Variants in DCLK3 observed in about 807,000 individuals in gnomAD.
The protein encoded by DCLK3 is doublecortin like kinase 3.
Under a neutral mutation model 46.4 loss-of-function variants are expected in DCLK3, and 30 were observed. The ratio of observed to expected loss-of-function variants is 0.65; its 90% CI spans 0.48 to 0.88. The LOEUF (loss-of-function observed/expected upper bound fraction) is 0.88, where lower values mean the gene tolerates loss of function less well. Among genes scored for constraint, DCLK3 ranks in the 40% least tolerant of loss-of-function variants. DCLK3 has a pLI of 0.00. For synonymous variants in DCLK3, 401 were observed against 339.2 expected, an observed-to-expected ratio of 1.18 and a Z score of -2.00; for missense variants, 846 against 907.1, an observed-to-expected ratio of 0.93 and a Z score of 0.87.
intron 1 of DCLK3, among the ~76,000 whole-genome samples, chr3:36,750,163 C>G (rs181567455): frequency 6.6e-6 from 1 of 152,282 alleles, no homozygotes; most frequent in Admixed American, 6.5e-5. Flanking sequence ...TCACTGCAAC[C>G]TCTGCTTCCC....
At chr3:36,725,587 A>C (rs1289547944) in intron 2 of DCLK3, among the ~76,000 whole-genome samples, 1 of 152,242 alleles carries the variant, frequency 6.6e-6, no homozygotes, top group Non-Finnish European at 1.5e-5. Flanking sequence ...ACTGCACTCC[A>C]TCCTGAGCAA....
chr3:36,741,631 A>G (rs1701345658), intron 1 of DCLK3, among the ~76,000 whole-genome samples: 1 of 152,238 alleles, frequency 6.6e-6, no homozygotes, highest in African/African-American at 2.4e-5. Context: ...GCCACCCAGT[A>G]CATAGCAAAG....
chr3:36,721,684 C>T (rs1236827565), intron 2 of DCLK3, 25 bp from the exon 3 acceptor site: 1 of 1,613,756 alleles, frequency 6.2e-7, no homozygotes, highest in African/African-American at 1.3e-5. Context: ...AATCCCCAAA[C>T]CACCAAAATT....
At chr3:36,757,918 A>C (rs1204407874) in intron 1 of DCLK3, among the ~76,000 whole-genome samples, 1 of 151,974 alleles carries the variant, frequency 6.6e-6, no homozygotes, top group Admixed American at 6.6e-5. Flanking sequence ...TCTCAAATCC[A>C]TGCTTCCTCT....
intron 1 of DCLK3, among the ~76,000 whole-genome samples, chr3:36,741,681 G>A (rs904417705): frequency 9.2e-5 from 14 of 152,186 alleles, no homozygotes; most frequent in African/African-American, 1.9e-4. Context: ...CCACACGGCC[G>A]CTGAGGTCAG....
At chr3:36,722,092 T>C (rs1575135477) in intron 2 of DCLK3, among the ~76,000 whole-genome samples, 2 of 152,118 alleles carry the variant, frequency 1.3e-5, no homozygotes, top group East Asian at 3.9e-4. Context: ...TCAAGGATAC[T>C]TTGAGCACAG....
intron 1 of DCLK3, chr3:36,739,780 C>G (rs943782061): frequency 6.6e-6 from 1 of 152,258 alleles, no homozygotes; most frequent in African/African-American, 2.4e-5. Context: ...CTCCAGCTAC[C>G]CCAAAGTGAA....
chr3:36,747,385 G>A (rs1169730981), intron 1 of DCLK3, among the ~76,000 whole-genome samples: 1 of 151,810 alleles, frequency 6.6e-6, no homozygotes, highest in Middle Eastern at 3.2e-3. Context: ...TGATAAACTT[G>A]TAGAAGTAAT....
intron 2 of DCLK3, among the ~76,000 whole-genome samples, chr3:36,722,458 T>C (rs921525132): frequency 2.0e-5 from 3 of 152,234 alleles, no homozygotes; most frequent in Non-Finnish European, 4.4e-5. Flanking sequence ...ATGCATTGCA[T>C]GCCTGTATCA....
chr3:36,727,684 G>A (rs1701142317), intron 2 of DCLK3, among the ~76,000 whole-genome samples: 1 of 152,140 alleles, frequency 6.6e-6, no homozygotes, highest in African/African-American at 2.4e-5. Flanking sequence ...AAGATCAGTG[G>A]TGCCACTTGT....
chr3:36,721,546 G>A lies in DCLK3; in HGVS notation c.2073C>T (p.Pro691=), dbSNP rs533228666. ...ACTTACCTTTCTCAGAAAGAATTTCGGGAGCTACGTAAGTTGGGGTCCCAC... is the reference window on the plus strand; with the variant it reads ...ACTTACCTTTCTCAGAAAGAATTTCAGGAGCTACGTAAGTTGGGGTCCCAC... ...TVCGTPTYVA[P]EILSEKGYGL... Residue 691 remains proline (P), a synonymous_variant, in exon 3 of 5, where the codon CCC becomes CCT. Coordinates refer to ENST00000636136, the MANE Select transcript of DCLK3 (RefSeq NM_001394672.2). 6.8e-6 allele frequency: 11 copies of A among 1,614,048 alleles called. No individual in the cohort carries two copies. The highest frequency in any genetic ancestry group is 2.2e-5 in the East Asian group (1 of 44,874).
Position 36,738,267 on chromosome 3 carries a change from CT to C in DCLK3, c.899del (p.Lys300ArgfsTer48). 1 of 1,544,270 alleles carries C rather than the reference CT, an allele frequency of 6.5e-7. No homozygotes were observed. The highest frequency in any genetic ancestry group is 8.7e-7 in the Non-Finnish European group (1 of 1,148,628). On this transcript the variant is annotated frameshift_variant, in exon 2 of 5. Coordinates refer to ENST00000636136, the MANE Select transcript of DCLK3 (RefSeq NM_001394672.2). LOFTEE classifies it high-confidence loss of function. ...CGCATCTGATAATTTCACCCGAGGTCTTTTCAATCTCCACCCCAAGATGCTT... is the reference window on the plus strand; with the variant it reads ...CGCATCTGATAATTTCACCCGAGGTCTTTCAATCTCCACCCCAAGATGCTT... ...GEKHLGVEIE[K>X]TSGEIIRCEK...
intron 2 of DCLK3, among the ~76,000 whole-genome samples, chr3:36,725,291 G>T (rs773167598): frequency 1.9e-4 from 27 of 139,872 alleles, no homozygotes; most frequent in Non-Finnish European, 1.8e-4. Flanking sequence ...CAGCCTGGGC[G>T]ACAGAGCGAG....
intron 1 of DCLK3, among the ~76,000 whole-genome samples, chr3:36,753,400 A>G (rs2125537449): frequency 6.6e-6 from 1 of 152,296 alleles, no homozygotes; most frequent in African/African-American, 2.4e-5. Context: ...GAAGCAAAAT[A>G]CAAAGACCCC....
intron 2 of DCLK3, among the ~76,000 whole-genome samples, chr3:36,723,794 G>A (rs1425795867): frequency 2.0e-5 from 3 of 152,208 alleles, no homozygotes; most frequent in Admixed American, 2.0e-4. Flanking sequence ...TTTGCTGCAG[G>A]GGAGGGGTTC....
At position 36,738,498 on chromosome 3, in the gene DCLK3, A is replaced by G; in HGVS notation, c.669T>C (p.Cys223=). The G allele has an allele frequency of 6.6e-7, 1 of 1,503,866 alleles. No homozygotes were observed. The highest frequency in any genetic ancestry group is 8.9e-7 in the Non-Finnish European group (1 of 1,127,120). The allele number at this position is 1,503,866 out of a possible 1,614,324, so 93.2% of individuals were successfully genotyped here. A position where few individuals can be genotyped will look rare whatever the true frequency, so the allele number is the denominator to read the frequency against. The change falls in exon 2 of 5, where the codon TGT becomes TGC. Residue 223 remains cysteine (C), a synonymous_variant. Transcript: ENST00000636136. The part of the protein sequence containing the change: ...FSKALKGDHR[C]GETETPKSCS... ...AGCTCTTGGGGGTCTCGGTCTCCCC[A>G]CAGCGGTGGTCTCCTTTCAGAGCCT...
At position 36,738,011 on chromosome 3, in the gene DCLK3, G is replaced by A. The variant is rs565552216; in HGVS notation, c.1156C>T (p.Pro386Ser). 1.9e-5 allele frequency: 30 copies of A among 1,613,956 alleles called. No homozygotes were observed. The highest frequency in any genetic ancestry group is 1.6e-4 in the Middle Eastern group (1 of 6,084). Reference sequence around the variant, plus strand: ...TCTTTCTTGTCCATGCTCTTGCTGGGTCTCCTCAGCTCTTGAGTGGGATTC... The same window carrying A: ...TCTTTCTTGTCCATGCTCTTGCTGGATCTCCTCAGCTCTTGAGTGGGATTC... ...PRNPTQELRR[P>S]SKSMDKKEDR... Residue 386 changes from proline to serine, a missense_variant, in exon 2 of 5, where the codon CCC becomes TCC. Coordinates refer to ENST00000636136, the MANE Select transcript of DCLK3 (RefSeq NM_001394672.2).
rs546831180 is a variant in DCLK3, at chr3:36,716,369, G to A, written c.2261-848C>T. ...CCACCAATCACCGCTCCCCTCCCCC[G>A]ATGTCCAGCCACCTCCTGAGCACAG... On this transcript the variant is annotated intron_variant, in intron 4 of 4. Transcript: ENST00000636136. 1.3e-4 allele frequency among the ~76,000 whole-genome samples: 20 copies of A among 152,172 alleles called. No homozygotes were observed. The South Asian group carries it at 3.7e-3, about 28-fold the overall frequency.
At chr3:36,736,310 G>T (rs888876668) in intron 2 of DCLK3, among the ~76,000 whole-genome samples, 2 of 152,184 alleles carry the variant, frequency 1.3e-5, no homozygotes, top group African/African-American at 4.8e-5. Flanking sequence ...AAGGTAGGAA[G>T]GATGAAGCAA....
Sources: allele counts gnomAD v4.1 joint callset (sites outside exome capture counted in the v4.1 genomes callset), GRCh38; gene constraint gnomAD v4.1.1; transcripts MANE v1.5; gene names NCBI Gene and HGNC (gene_info 2026-07-23, HGNC 2026-07-21).